TRAF2: variants seen among roughly 807,000 people sequenced by gnomAD.
TRAF2 encodes TNF receptor associated factor 2, also known as TNF receptor-associated factor 2.
In TRAF2, 6 loss-of-function variants were observed where a neutral mutation model predicts 55.6. That is an observed-to-expected ratio of 0.11 (90% CI 0.06 to 0.21). TRAF2 has a LOEUF of 0.21. TRAF2 is among the 10% of genes least tolerant of loss of function. TRAF2 has a pLI of 1.00. For synonymous variants in TRAF2, 329 were observed against 276.3 expected (o/e 1.19, Z -1.89); for missense variants, 561 against 684.5 (o/e 0.82, Z 2.01).
chr9:136,899,056 C>T, intron 2 of TRAF2, 128 bp downstream of exon 2: 3 of 914,744 alleles, frequency 3.3e-6, no homozygotes, highest in Non-Finnish European at 4.8e-6. Context: ...ATCGATACTC[C>T]CTGGATTTCG....
intron 10 of TRAF2, 54 bp from the exon 11 acceptor site, chr9:136,925,629 C>CAG: frequency 1.9e-6 from 3 of 1,581,150 alleles, no homozygotes; most frequent in South Asian, 2.2e-5. Flanking sequence ...CCTCGGGAGC[C>CAG]AGAGAGAGAC....
chr9:136,924,965 C>T lies in TRAF2; in HGVS notation c.1288-718C>T, dbSNP rs550401320. 3.3e-5 allele frequency among the ~76,000 whole-genome samples: 5 copies of T among 152,326 alleles called. No individual in the cohort carries two copies. In the East Asian group the frequency reaches 7.7e-4, roughly 24 times the overall value. On this transcript the variant is annotated intron_variant, in intron 10 of 10. Coordinates refer to ENST00000247668, the MANE Select transcript of TRAF2 (RefSeq NM_021138.4). ...TGTTGGCCAGGCTGGTCTTGATCTC[C>T]TGACCTTGTGATCCGCCCACCTTGG...
At chr9:136,922,376 C>T (rs1564422237) in intron 9 of TRAF2, 1 of 152,356 alleles carries the variant, frequency 6.6e-6, no homozygotes, top group Non-Finnish European at 1.5e-5. Context: ...GACCTTCCCT[C>T]TGCAGCTGCT....
At chr9:136,925,537 A>T in intron 10 of TRAF2, 146 bp from the exon 11 acceptor site, 1 of 774,990 alleles carries the variant, frequency 1.3e-6, no homozygotes, top group African/African-American at 1.7e-5. Flanking sequence ...AAGGCCGCCC[A>T]CCACGTGGTC....
chr9:136,915,886 A>G (rs1200765881), intron 6 of TRAF2, among the ~76,000 whole-genome samples: 2 of 152,072 alleles, frequency 1.3e-5, no homozygotes, highest in African/African-American at 4.8e-5. Flanking sequence ...CCTTCCGGGT[A>G]TGAAATCTTG....
chr9:136,892,540 T>C (rs868084021), intron 1 of TRAF2, among the ~76,000 whole-genome samples: 7 of 152,184 alleles, frequency 4.6e-5, no homozygotes, highest in Admixed American at 6.5e-5. Context: ...TTGTCCAAAG[T>C]GGATTAGAAG....
intron 1 of TRAF2, among the ~76,000 whole-genome samples, chr9:136,891,537 C>G (rs1459124325): frequency 6.6e-6 from 1 of 152,094 alleles, no homozygotes; most frequent in Non-Finnish European, 1.5e-5. Context: ...AGCCACCATG[C>G]CTGGCCCATT....
At chr9:136,893,210 C>A (rs1452565371) in intron 1 of TRAF2, among the ~76,000 whole-genome samples, 1 of 152,194 alleles carries the variant, frequency 6.6e-6, no homozygotes, top group East Asian at 1.9e-4. Context: ...GGCGTCCCCA[C>A]CGAGGGACCT....
intron 4 of TRAF2, 148 bp downstream of exon 4, chr9:136,900,668 C>A: frequency 1.4e-6 from 1 of 730,116 alleles, no homozygotes. Context: ...GACGGAGCTG[C>A]TCCTTAGAGT....
At chr9:136,901,158 G>A (rs1056630124) in intron 4 of TRAF2, among the ~76,000 whole-genome samples, 1 of 152,170 alleles carries the variant, frequency 6.6e-6, no homozygotes. Flanking sequence ...TGATTCTCAC[G>A]TCACCTTTTA....
intron 7 of TRAF2, among the ~76,000 whole-genome samples, 156 bp from the exon 8 acceptor site, chr9:136,920,078 C>T (rs1385564804): frequency 6.6e-6 from 1 of 152,134 alleles, no homozygotes; most frequent in Non-Finnish European, 1.5e-5. Flanking sequence ...CTGTCATACA[C>T]AAGAAGGATC....
chr9:136,903,370 G>A (rs1052926807), intron 4 of TRAF2, among the ~76,000 whole-genome samples: 7 of 151,372 alleles, frequency 4.6e-5, no homozygotes, highest in African/African-American at 1.5e-4. Context: ...GGATGCGGGG[G>A]TGCGGGGAGA....
At chr9:136,898,963 G>A in intron 2 of TRAF2, 35 bp downstream of exon 2, 1 of 1,559,140 alleles carries the variant, frequency 6.4e-7, no homozygotes, top group Non-Finnish European at 8.7e-7. Flanking sequence ...GGAGGGGCAG[G>A]CAGGCTAGGC....
intron 4 of TRAF2, among the ~76,000 whole-genome samples, chr9:136,903,401 C>T (rs1849866997): frequency 6.6e-6 from 1 of 152,242 alleles, no homozygotes; most frequent in South Asian, 2.1e-4. Context: ...AGGACATAGG[C>T]TGGCTGCACG....
chr9:136,912,190 T>G (rs1850131029), intron 6 of TRAF2, among the ~76,000 whole-genome samples: 1 of 105,630 alleles, frequency 9.5e-6, no homozygotes. Flanking sequence ...GGAGACAGAG[T>G]CTCACTCTGT....
chr9:136,923,682 T>C (rs184545592), intron 9 of TRAF2, among the ~76,000 whole-genome samples, 170 bp from the exon 10 acceptor site: 1 of 147,200 alleles, frequency 6.8e-6, no homozygotes, highest in Admixed American at 6.8e-5. Context: ...TTTGTTTTCA[T>C]TGGAAACTAA....
chr9:136,923,653 CT>C (rs1180716874), intron 9 of TRAF2, among the ~76,000 whole-genome samples, 198 bp from the exon 10 acceptor site: 11 of 144,798 alleles, frequency 7.6e-5, no homozygotes, highest in East Asian at 4.1e-4. Flanking sequence ...TAAGTACTAC[CT>C]TTTTTTTTGT....
chr9:136,924,484 C>T (rs906559928), intron 10 of TRAF2, among the ~76,000 whole-genome samples: 1 of 151,904 alleles, frequency 6.6e-6, no homozygotes, highest in Non-Finnish European at 1.5e-5. Flanking sequence ...ATTGCTTGAG[C>T]CCAGTAGGTT....
rs548500193 is a variant in TRAF2 at position 136,922,691 on chromosome 9, G to A, written c.1139-1161G>A. The stretch of plus-strand genomic sequence containing the variant: ...TGGGCCTGGGGGCGTGTGGAGGACA[G>A]GGATGGGGAGGATGGGCCTGGGCAC... On this transcript the variant is annotated intron_variant, in intron 9 of 10. Coordinates refer to ENST00000247668, the MANE Select transcript of TRAF2 (RefSeq NM_021138.4). Among the ~76,000 whole-genome samples, 61 of 142,732 alleles carry A rather than the reference G, an allele frequency of 4.3e-4. 3 individuals carry two copies. Among genetic ancestry groups the A allele is most frequent in the African/African-American group, 1.4e-3 (53 of 37,896 alleles). 93.6% of individuals were successfully genotyped at this position (142,732 alleles called of 152,430 possible).
Sources: allele counts gnomAD v4.1 joint callset (sites outside exome capture counted in the v4.1 genomes callset), GRCh38; gene constraint gnomAD v4.1.1; transcripts MANE v1.5; gene names NCBI Gene and HGNC (gene_info 2026-07-23, HGNC 2026-07-21).